Variants in MDGA2 observed in about 807,000 individuals in gnomAD.
The protein encoded by MDGA2 is MAM domain containing glycosylphosphatidylinositol anchor 2.
A neutral mutation model predicts 117.8 loss-of-function variants in MDGA2; 40 were observed. That is an observed-to-expected ratio of 0.34 (90% CI 0.26 to 0.44). The LOEUF (loss-of-function observed/expected upper bound fraction) is 0.44, where lower values mean the gene tolerates loss of function less well. MDGA2 is among the 20% of genes least tolerant of loss of function. MDGA2 has a pLI of 1.00. For synonymous variants in MDGA2, 452 were observed against 439.0 expected, an observed-to-expected ratio of 1.03 and a Z score of -0.37; for missense variants, 1,123 against 1,250.6, an observed-to-expected ratio of 0.90 and a Z score of 1.54.
intron 6 of MDGA2, among the ~76,000 whole-genome samples, chr14:47,095,607 T>A (rs988943794): frequency 6.6e-6 from 1 of 151,928 alleles, no homozygotes; most frequent in Non-Finnish European, 1.5e-5. Flanking sequence ...TGTTTTGATA[T>A]ATAAAATAAT....
chr14:46,939,819 G>A (rs994562087), intron 9 of MDGA2, among the ~76,000 whole-genome samples: 1 of 152,090 alleles, frequency 6.6e-6, no homozygotes, highest in Admixed American at 6.6e-5. Context: ...ATCAAGTCAC[G>A]AAGCTACATT....
intron 1 of MDGA2, among the ~76,000 whole-genome samples, chr14:47,623,817 A>G (rs769382907): frequency 1.2e-4 from 19 of 152,184 alleles, no homozygotes; most frequent in Admixed American, 2.6e-4. Flanking sequence ...TGTGCCACTT[A>G]AACAATCTAT....
intron 5 of MDGA2, among the ~76,000 whole-genome samples, chr14:47,101,141 A>AAAG (rs1880299372): frequency 6.6e-6 from 1 of 151,922 alleles, no homozygotes; most frequent in Admixed American, 6.6e-5. Flanking sequence ...AGATAGAAAG[A>AAAG]AATTGGTCCT....
chr14:47,557,687 A>G (rs1187009015), intron 1 of MDGA2, among the ~76,000 whole-genome samples: 1 of 152,228 alleles, frequency 6.6e-6, no homozygotes, highest in Non-Finnish European at 1.5e-5. Flanking sequence ...TTTACTAAGT[A>G]CCTGCTATAT....
chr14:47,631,338 G>A (rs1308735402), intron 1 of MDGA2, among the ~76,000 whole-genome samples: 1 of 152,154 alleles, frequency 6.6e-6, no homozygotes, highest in Non-Finnish European at 1.5e-5. Flanking sequence ...ACACTGGAGA[G>A]TAATTTTTGA....
chr14:47,552,536 A>C (rs1420459509), intron 1 of MDGA2, among the ~76,000 whole-genome samples: 1 of 152,174 alleles, frequency 6.6e-6, no homozygotes, highest in Non-Finnish European at 1.5e-5. Flanking sequence ...ATAATGTCAA[A>C]ATACAGTTAG....
intron 2 of MDGA2, among the ~76,000 whole-genome samples, chr14:47,242,949 G>T (rs1213872781): frequency 6.6e-6 from 1 of 151,800 alleles, no homozygotes; most frequent in African/African-American, 2.4e-5. Flanking sequence ...TTTAGTTCAG[G>T]GATTGTAAAT....
At chr14:47,115,429 A>C (rs1162981068) in intron 5 of MDGA2, among the ~76,000 whole-genome samples, 1 of 152,036 alleles carries the variant, frequency 6.6e-6, no homozygotes, top group African/African-American at 2.4e-5. Context: ...GGCCTTCCCT[A>C]AGAAACCCGA....
At chr14:47,518,192 G>A (rs1408452843) in intron 1 of MDGA2, among the ~76,000 whole-genome samples, 1 of 152,140 alleles carries the variant, frequency 6.6e-6, no homozygotes, top group Non-Finnish European at 1.5e-5. Flanking sequence ...TCTAGAAGCA[G>A]AATACTGTAA....
chr14:47,480,574 C>T (rs772801425), intron 1 of MDGA2, among the ~76,000 whole-genome samples: 1 of 151,934 alleles, frequency 6.6e-6, no homozygotes, highest in Non-Finnish European at 1.5e-5. Context: ...GTTTACTAGA[C>T]ATTAATATTA....
intron 1 of MDGA2, among the ~76,000 whole-genome samples, chr14:47,619,116 TACACACACAC>T (rs1555336908): frequency 2.2e-5 from 2 of 90,712 alleles, no homozygotes; most frequent in South Asian, 3.8e-4. Flanking sequence ...TCAGTTTAAT[TACACACACAC>T]ACACACACAC....
chr14:47,158,453 A>T (rs1278181799), intron 3 of MDGA2, among the ~76,000 whole-genome samples: 1 of 148,514 alleles, frequency 6.7e-6, no homozygotes, highest in African/African-American at 2.5e-5. Flanking sequence ...AAATTAAATC[A>T]TATAACACTT....
At chr14:46,970,826 A>G (rs547647010) in intron 8 of MDGA2, among the ~76,000 whole-genome samples, 2 of 152,124 alleles carry the variant, frequency 1.3e-5, no homozygotes, top group African/African-American at 4.8e-5. Context: ...TATACAAAGA[A>G]CCCAAATAAC....
At chr14:47,431,433 T>C (rs750400218) in intron 1 of MDGA2, among the ~76,000 whole-genome samples, 3 of 152,036 alleles carry the variant, frequency 2.0e-5, no homozygotes, top group Non-Finnish European at 2.9e-5. Flanking sequence ...TGGAATGCTA[T>C]GGGACTCATA....
intron 1 of MDGA2, among the ~76,000 whole-genome samples, chr14:47,549,718 G>T (rs975944790): frequency 2.6e-5 from 4 of 152,056 alleles, no homozygotes; most frequent in Non-Finnish European, 4.4e-5. Flanking sequence ...TGATAGGACT[G>T]GTTGTCCTTA....
chr14:46,924,684 GA>G (rs931483581), intron 9 of MDGA2, among the ~76,000 whole-genome samples: 26 of 146,426 alleles, frequency 1.8e-4, no homozygotes, highest in South Asian at 6.4e-4. Context: ...CACAATCTCA[GA>G]AAAAAAAAAC....
intron 1 of MDGA2, among the ~76,000 whole-genome samples, chr14:47,424,859 A>C (rs1178553640): frequency 6.6e-6 from 1 of 152,156 alleles, no homozygotes; most frequent in Non-Finnish European, 1.5e-5. Flanking sequence ...GCAAACAACC[A>C]TCCATAATCT....
At chr14:47,186,466 A>T (rs1032888856) in intron 3 of MDGA2, among the ~76,000 whole-genome samples, 1 of 151,894 alleles carries the variant, frequency 6.6e-6, no homozygotes, top group South Asian at 2.1e-4. Flanking sequence ...ATGCACACAT[A>T]ACATGCTTCA....
rs139915777 is a variant in MDGA2, at chr14:46,992,253, T to C, written c.1820-34610A>G. Among the ~76,000 whole-genome samples the C allele has an allele frequency of 4.0e-3, 610 of 152,260 alleles. 4 individuals are homozygous for C. The highest frequency in any genetic ancestry group is 0.014 in the Middle Eastern group (4 of 294). ...TCTGTAGTAAATCTAATTTGGAATT[T>C]TAAATTTGGAGGTGGCTAAATTGTT... On this transcript the variant is annotated intron_variant, in intron 8 of 16. Coordinates refer to ENST00000399232, the MANE Select transcript of MDGA2 (RefSeq NM_001113498.3).
Sources: gnomAD v4.1 joint callset for allele counts (sites outside exome capture counted in the v4.1 genomes callset) on GRCh38, gnomAD v4.1.1 for gene constraint, MANE v1.5 for transcripts, NCBI Gene and HGNC (gene_info 2026-07-23, HGNC 2026-07-21) for gene names.